MGARP: variants seen among roughly 807,000 people sequenced by gnomAD.
MGARP encodes mitochondria localized glutamic acid rich protein.
In MGARP, 12 loss-of-function variants were observed where a neutral mutation model predicts 11.0. The observed-to-expected ratio is 1.09, with a 90% CI of 0.70 to 1.77. MGARP has a LOEUF of 1.77. Ranked by LOEUF, MGARP falls within the 40% of genes most tolerant of loss-of-function variation. The pLI is 0.00. For missense variants in MGARP, 283 were observed against 297.8 expected (o/e 0.95, Z 0.36); for synonymous variants, 110 against 115.4 (o/e 0.95, Z 0.30).
intron 2 of MGARP, among the ~76,000 whole-genome samples, chr4:139,271,982 A>AG (rs1397924286): frequency 6.6e-6 from 1 of 152,022 alleles, no homozygotes; most frequent in Non-Finnish European, 1.5e-5. Context: ...TAATATAATC[A>AG]GGGGTATAGT....
At position 139,266,794 on chromosome 4, in the gene MGARP, G is replaced by C; in HGVS notation, c.528C>G (p.Thr176=). ...RETTEVNPET[T]PEVTNAALDE... is the part of the protein sequence containing the mutation. ...CCAGGGCAGCATTTGTAACCTCTGGGGTTGTTTCAGGGTTTACTTCCGTGG... is the reference window on the plus strand; with the variant it reads ...CCAGGGCAGCATTTGTAACCTCTGGCGTTGTTTCAGGGTTTACTTCCGTGG... The change falls in exon 4 of 4, where the codon ACC becomes ACG. Residue 176 remains threonine, a synonymous_variant. Coordinates refer to ENST00000398955, the MANE Select transcript of MGARP (RefSeq NM_032623.4). 2 of 1,614,126 alleles carry C rather than the reference G, an allele frequency of 1.2e-6. No individual in the cohort carries two copies. The highest frequency in any genetic ancestry group is 1.7e-6 in the Non-Finnish European group (2 of 1,180,034).
intron 1 of MGARP, among the ~76,000 whole-genome samples, chr4:139,279,647 C>T (rs1321450959): frequency 6.6e-6 from 1 of 152,218 alleles, no homozygotes; most frequent in African/African-American, 2.4e-5. Context: ...ACCTTCCCAC[C>T]GTTCCTCTGC....
intron 1 of MGARP, 42 bp downstream of exon 1, chr4:139,280,035 G>A (rs1199150389): frequency 1.9e-6 from 3 of 1,602,118 alleles, no homozygotes; most frequent in South Asian, 1.1e-5. Context: ...ATCTGCACCC[G>A]AGGCGCCCGT....
chr4:139,271,634 G>T (rs1310758609), intron 2 of MGARP, among the ~76,000 whole-genome samples: 3 of 152,156 alleles, frequency 2.0e-5, no homozygotes, highest in Non-Finnish European at 2.9e-5. Context: ...CATCTGTGGG[G>T]TCAATTCATA....
chr4:139,274,493 T>C (rs1032897669), intron 2 of MGARP, among the ~76,000 whole-genome samples: 3 of 151,678 alleles, frequency 2.0e-5, no homozygotes, highest in Non-Finnish European at 2.9e-5. Flanking sequence ...TTTTTTTAAA[T>C]TTTTTTTGGA....
intron 3 of MGARP, 131 bp downstream of exon 3, chr4:139,268,541 T>A: frequency 1.7e-6 from 1 of 590,928 alleles, no homozygotes; most frequent in Non-Finnish European, 2.9e-6. Flanking sequence ...TAAATGAACT[T>A]ATACCTAGAG....
At chr4:139,268,810 T>C in intron 2 of MGARP, 45 bp from the exon 3 acceptor site, 2 of 1,439,744 alleles carry the variant, frequency 1.4e-6, no homozygotes, top group Non-Finnish European at 1.9e-6. Context: ...AGCTTTAAGA[T>C]TTGTCACGCC....
chr4:139,271,788 G>C (rs1033400284), intron 2 of MGARP, among the ~76,000 whole-genome samples: 8 of 152,164 alleles, frequency 5.3e-5, no homozygotes, highest in African/African-American at 1.7e-4. Context: ...CAACATTTGA[G>C]ATTAAAATCA....
At chr4:139,268,601 G>T in intron 3 of MGARP, 71 bp downstream of exon 3, 2 of 1,066,718 alleles carry the variant, frequency 1.9e-6, no homozygotes, top group Non-Finnish European at 2.7e-6. Flanking sequence ...AGTGTTCATT[G>T]CTAGACTAAG....
In MGARP at chr4:139,280,210, C is replaced by T; in HGVS notation, c.-52G>A. On this transcript the variant is annotated 5_prime_UTR_variant, in exon 1 of 4. Transcript: ENST00000398955. ...CCTCGGTACCCAGGCGCAGGCTGCCCTTCCACAGAGAGGCTGAGAGCCTGG... is the reference window on the plus strand; with the variant it reads ...CCTCGGTACCCAGGCGCAGGCTGCCTTTCCACAGAGAGGCTGAGAGCCTGG... 6.5e-7 allele frequency: 1 copy of T among 1,543,794 alleles called. No individual in the cohort carries two copies.
chr4:139,275,507 GT>G (rs1308762700), intron 1 of MGARP, 115 bp from the exon 2 acceptor site: 7 of 736,710 alleles, frequency 9.5e-6, no homozygotes, highest in Non-Finnish European at 1.6e-5. Context: ...TTAACATCAA[GT>G]GATTTTAGCT....
intron 2 of MGARP, among the ~76,000 whole-genome samples, chr4:139,273,510 C>CTTTTTTTTTTTT (rs1000327890): frequency 1.6e-5 from 2 of 123,662 alleles, no homozygotes; most frequent in East Asian, 2.4e-4. Flanking sequence ...TACTTTTATT[C>CTTTTTTTTTTTT]TTTTTTTTTT....
intron 2 of MGARP, 31 bp from the exon 3 acceptor site, chr4:139,268,796 C>T: frequency 6.5e-7 from 1 of 1,532,524 alleles, no homozygotes; most frequent in Admixed American, 1.9e-5. Context: ...AGGTTTATTT[C>T]TTGAGCTTTA....
chr4:139,271,058 G>C (rs959590953), intron 2 of MGARP, among the ~76,000 whole-genome samples: 1 of 152,164 alleles, frequency 6.6e-6, no homozygotes, highest in East Asian at 1.9e-4. Flanking sequence ...AAAGAATCTA[G>C]GTTTTCCAAA....
Position 139,268,654 on chromosome 4 carries a change from A to G in MGARP, c.280+18T>C. 1 of 1,535,372 alleles carries G rather than the reference A, an allele frequency of 6.5e-7. No individual in the cohort carries two copies. The highest frequency in any genetic ancestry group is 2.3e-5 in the East Asian group (1 of 44,274). On this transcript the variant is annotated intron_variant, in intron 3 of 3. Coordinates refer to ENST00000398955, the MANE Select transcript of MGARP (RefSeq NM_032623.4). ...CTCAAAAAATAAATAAAAATAAAAA[A>G]TTAAGAAATTCATTTACCTTGAAAT...
chr4:139,278,450 A>T (rs1040225150), intron 1 of MGARP, among the ~76,000 whole-genome samples: 1 of 152,214 alleles, frequency 6.6e-6, no homozygotes, highest in Non-Finnish European at 1.5e-5. Context: ...GTTAGATGAA[A>T]ATCAGAGAAA....
At chr4:139,278,731 T>C (rs367730561) in intron 1 of MGARP, among the ~76,000 whole-genome samples, 7 of 152,206 alleles carry the variant, frequency 4.6e-5, no homozygotes, top group East Asian at 3.8e-4. Flanking sequence ...AAGTTTAAAA[T>C]AAATGGCTTC....
In MGARP at chr4:139,266,331, T is replaced by C; in HGVS notation, c.*268A>G. The C allele has an allele frequency of 2.9e-6, 1 of 342,934 alleles. No homozygotes were observed. The allele number at this position is 342,934 out of a possible 1,614,324, so 21.2% of individuals were successfully genotyped here. On this transcript the variant is annotated 3_prime_UTR_variant, in exon 4 of 4. Transcript: ENST00000398955. ...AGATGACTGGGATAAAAGAAAAGTG[T>C]CTAGAAAAAAAAACCAAAGATGAAA...
intron 2 of MGARP, among the ~76,000 whole-genome samples, chr4:139,271,885 T>C (rs997214583): frequency 4.6e-5 from 7 of 152,228 alleles, no homozygotes; most frequent in African/African-American, 1.2e-4. Context: ...GGCTGGTTTA[T>C]AAATGTATAA....
Sources: gnomAD v4.1 joint callset for allele counts (sites outside exome capture counted in the v4.1 genomes callset) on GRCh38, gnomAD v4.1.1 for gene constraint, MANE v1.5 for transcripts, NCBI Gene and HGNC (gene_info 2026-07-23, HGNC 2026-07-21) for gene names.